The following MYO1E variants were observed in gnomAD, a reference collection of about 807,000 sequenced individuals.
The protein encoded by MYO1E is myosin IE.
A neutral mutation model predicts 151.1 loss-of-function variants in MYO1E; 68 were observed. The observed-to-expected ratio is 0.45, with a 90% CI of 0.37 to 0.55. MYO1E has a LOEUF of 0.55. MYO1E is among the 20% of genes least tolerant of loss of function. The pLI, the probability that MYO1E is intolerant of heterozygous loss-of-function variation, is 0.00. For synonymous variants in MYO1E, 601 were observed against 501.7 expected (o/e 1.20, Z -2.64); for missense variants, 1,363 against 1,389.3 (o/e 0.98, Z 0.30).
chr15:59,314,152 G>A lies in MYO1E; in HGVS notation c.4-41703C>T, dbSNP rs1216208147. On this transcript the variant is annotated intron_variant, in intron 1 of 27. Coordinates refer to ENST00000288235, the MANE Select transcript of MYO1E (RefSeq NM_004998.4). ...TTTTAGGGGTAGCCAGAGGGGCAGA[G>A]GTGGGCTCCAGAATCCTTTCTCTAC... Among the ~76,000 whole-genome samples, 3 of 152,202 alleles carry A rather than the reference G, an allele frequency of 2.0e-5. No homozygotes were observed. In the East Asian group the frequency reaches 5.8e-4, roughly 29 times the overall value.
intron 10 of MYO1E, among the ~76,000 whole-genome samples, chr15:59,216,666 G>GTGTGTGTGTGTGTGTGTGTGTATA (rs777094542): frequency 3.2e-5 from 1 of 30,892 alleles, no homozygotes; most frequent in Non-Finnish European, 7.0e-5. Flanking sequence ...GTGTGTATGT[G>GTGTGTGTGTGTGTGTGTGTGTATA]TATATATATA....
chr15:59,357,298 G>T (rs2080859897), intron 1 of MYO1E, among the ~76,000 whole-genome samples: 1 of 152,084 alleles, frequency 6.6e-6, no homozygotes, highest in Non-Finnish European at 1.5e-5. Context: ...GAGAGGCTGG[G>T]ATACAAAGCT....
chr15:59,138,098 G>A, intron 27 of MYO1E, 100 bp downstream of exon 27: 1 of 1,442,042 alleles, frequency 6.9e-7, no homozygotes, highest in Non-Finnish European at 9.7e-7. Context: ...ATTGCAGTTT[G>A]AGGAGCCCAT....
chr15:59,220,133 G>T (rs1463174236), intron 9 of MYO1E, among the ~76,000 whole-genome samples: 35 of 152,320 alleles, frequency 2.3e-4, no homozygotes, highest in African/African-American at 7.0e-4. Flanking sequence ...ATTTCCATTA[G>T]TCTAAGGTCA....
chr15:59,311,562 G>A (rs1277763750), intron 1 of MYO1E, among the ~76,000 whole-genome samples: 1 of 152,106 alleles, frequency 6.6e-6, no homozygotes, highest in East Asian at 1.9e-4. Flanking sequence ...GCAGCTTTGG[G>A]CACAGAAATC....
intron 4 of MYO1E, among the ~76,000 whole-genome samples, chr15:59,248,701 A>G (rs2080145883): frequency 6.6e-6 from 1 of 152,104 alleles, no homozygotes; most frequent in South Asian, 2.1e-4. Flanking sequence ...TCAGGACAGG[A>G]AAGTAAACAG....
At chr15:59,227,201 A>G (rs1359264385) in intron 7 of MYO1E, among the ~76,000 whole-genome samples, 1 of 151,012 alleles carries the variant, frequency 6.6e-6, no homozygotes, top group African/African-American at 2.4e-5. Flanking sequence ...AGACTCCAAC[A>G]CTCCTCGTTT....
rs398027512 is a variant in MYO1E, at chr15:59,268,720, ATT to A, written c.147+3584_147+3585del. 1.5e-3 allele frequency among the ~76,000 whole-genome samples: 69 copies of A among 44,916 alleles called. 3 individuals carry two copies. The Middle Eastern group carries it at 0.056, about 36-fold the overall frequency. 29.5% of individuals were successfully genotyped at this position (44,916 alleles called of 152,430 possible). A position where few individuals can be genotyped will look rare whatever the true frequency, so the allele number is the denominator to read the frequency against. On this transcript the variant is annotated intron_variant, in intron 2 of 27. Coordinates refer to ENST00000288235, the MANE Select transcript of MYO1E (RefSeq NM_004998.4). ...GTGATGGGTTCTGGGTGACTTTGGT[ATT>A]TTTTTTTTTTTTTTTTTTTGCTTCA...
intron 4 of MYO1E, among the ~76,000 whole-genome samples, chr15:59,246,516 C>A (rs1226999789): frequency 2.0e-5 from 3 of 152,220 alleles, no homozygotes; most frequent in African/African-American, 4.8e-5. Context: ...TACAGGCTTA[C>A]TGAAAGTCAT....
chr15:59,281,917 T>C (rs1283215507), intron 1 of MYO1E, among the ~76,000 whole-genome samples: 1 of 151,546 alleles, frequency 6.6e-6, no homozygotes. Flanking sequence ...TAAGCTATGA[T>C]TGCACCACTG....
chr15:59,209,549 G>A (rs1489602478), intron 13 of MYO1E, among the ~76,000 whole-genome samples: 1 of 151,912 alleles, frequency 6.6e-6, no homozygotes, highest in African/African-American at 2.4e-5. Flanking sequence ...GGTGGTGGGC[G>A]CCTGTAATCC....
chr15:59,186,201 G>T (rs1311219303), intron 18 of MYO1E, among the ~76,000 whole-genome samples: 1 of 152,090 alleles, frequency 6.6e-6, no homozygotes, highest in Non-Finnish European at 1.5e-5. Context: ...CGGTTATTAG[G>T]AAACTCAAAT....
At chr15:59,150,893 T>A (rs2079471518) in intron 26 of MYO1E, among the ~76,000 whole-genome samples, 1 of 152,044 alleles carries the variant, frequency 6.6e-6, no homozygotes, top group Non-Finnish European at 1.5e-5. Flanking sequence ...TACTGCACAC[T>A]AGAGTTTGAG....
rs753630779 is a variant in MYO1E, at chr15:59,205,412, T to A, written c.1604A>T (p.Gln535Leu). 3 of 1,614,172 alleles carry A rather than the reference T, an allele frequency of 1.9e-6. No homozygotes were observed. Among genetic ancestry groups the A allele is most frequent in the Non-Finnish European group, 2.5e-6 (3 of 1,180,010 alleles). The change falls in exon 15 of 28, where the codon CAG (glutamine) becomes CTG (leucine). Residue 535 changes from glutamine (Q) to leucine (L), a missense_variant. Transcript: ENST00000288235. ...AAAACATACTTACAGCTCGCTGCTC[T>A]GCATAAGCTCGATGAGATCCATAAA... is the stretch of plus-strand genomic sequence containing the variant. ...VLFMDLIELM[Q>L]SSELPFIKSL...
rs745876575 is a variant in MYO1E at position 59,340,518 on chromosome 15, GTCAC to G, written c.3+31976_3+31979del. Reference sequence around the variant, plus strand: ...AATACTTGAGTTGGTTTTCTATGACGTCACTCACTGTGTTTTTACCATGTGTAGT... The same window carrying G: ...AATACTTGAGTTGGTTTTCTATGACGTCACTGTGTTTTTACCATGTGTAGT... On this transcript the variant is annotated intron_variant, in intron 1 of 27. Coordinates refer to ENST00000288235, the MANE Select transcript of MYO1E (RefSeq NM_004998.4). 8.5e-5 allele frequency among the ~76,000 whole-genome samples: 13 copies of G among 152,188 alleles called. No individual in the cohort carries two copies. In the East Asian group the frequency reaches 2.1e-3, roughly 25 times the overall value.
At chr15:59,220,999 T>TTA (rs1311458649) in intron 9 of MYO1E, among the ~76,000 whole-genome samples, 1 of 145,204 alleles carries the variant, frequency 6.9e-6, no homozygotes, top group African/African-American at 2.5e-5. Context: ...ATATATATAA[T>TTA]TATATATATA....
Position 59,170,655 on chromosome 15 carries a change from G to A in MYO1E, c.2480+1242C>T, listed in dbSNP as rs147824358. Among the ~76,000 whole-genome samples the A allele has an allele frequency of 7.9e-5, 12 of 151,966 alleles. No homozygotes were observed. In the East Asian group the frequency reaches 1.7e-3, roughly 22 times the overall value. On this transcript the variant is annotated intron_variant, in intron 22 of 27. Transcript: ENST00000288235. ...GGTGGGGCTGCAAAATGGACACTGC[G>A]GACTCATCTGCTTAGCAACTTTACC...
chr15:59,174,248 T>A lies in MYO1E; in HGVS notation c.2050-8A>T. 6.3e-7 allele frequency: 1 copy of A among 1,593,368 alleles called. No individual in the cohort carries two copies. The highest frequency in any genetic ancestry group is 8.6e-7 in the Non-Finnish European group (1 of 1,161,326). ...CTCTTCTAAAAGAAATAGCTGTGAA[T>A]GGAGAGAAGACAAATGTGAGCCAAG... is the stretch of plus-strand genomic sequence containing the variant. On this transcript the variant is annotated splice_region_variant and splice_polypyrimidine_tract_variant and intron_variant, in intron 19 of 27. Coordinates refer to ENST00000288235, the MANE Select transcript of MYO1E (RefSeq NM_004998.4).
intron 5 of MYO1E, among the ~76,000 whole-genome samples, chr15:59,234,375 C>A (rs2080049291): frequency 6.6e-6 from 1 of 152,160 alleles, no homozygotes; most frequent in Non-Finnish European, 1.5e-5. Context: ...GTCCTTTGTT[C>A]TCTCCCTGAC....
Sources: allele counts gnomAD v4.1 joint callset (sites outside exome capture counted in the v4.1 genomes callset), GRCh38; gene constraint gnomAD v4.1.1; transcripts MANE v1.5; gene names NCBI Gene and HGNC (gene_info 2026-07-23, HGNC 2026-07-21).